REV3L: variants seen among roughly 807,000 people sequenced by gnomAD.
REV3L encodes REV3 like, DNA directed polymerase zeta catalytic subunit.
REV3L carries 69 observed loss-of-function variants against 299.4 expected under a neutral mutation model. That is an observed-to-expected ratio of 0.23 (90% CI 0.19 to 0.28). REV3L has a LOEUF of 0.28. REV3L is among the 10% of genes least tolerant of loss of function. REV3L has a pLI of 1.00. For synonymous variants in REV3L, 1,238 were observed against 1,271.4 expected (o/e 0.97, Z 0.56); for missense variants, 3,128 against 3,693.8 (o/e 0.85, Z 3.97).
chr6:111,377,538 C>T (rs1019003255), intron 12 of REV3L, among the ~76,000 whole-genome samples, 163 bp downstream of exon 12: 1 of 151,964 alleles, frequency 6.6e-6, no homozygotes, highest in Non-Finnish European at 1.5e-5. Flanking sequence ...GGTCCCACTA[C>T]GTTGCCTAGG....
intron 1 of REV3L, chr6:111,431,222 T>C: frequency 1.3e-6 from 2 of 1,561,306 alleles, no homozygotes; most frequent in Non-Finnish European, 1.8e-6. Flanking sequence ...CTGGATGTTT[T>C]AACAAAAGGA....
At chr6:111,407,738 C>T (rs1463822256) in intron 3 of REV3L, among the ~76,000 whole-genome samples, 1 of 151,998 alleles carries the variant, frequency 6.6e-6, no homozygotes, top group African/African-American at 2.4e-5. Flanking sequence ...GGTTCTAGAC[C>T]AGCCTGGCCA....
intron 1 of REV3L, among the ~76,000 whole-genome samples, chr6:111,478,580 C>T (rs931968464): frequency 6.7e-6 from 1 of 149,500 alleles, no homozygotes; most frequent in Non-Finnish European, 1.5e-5. Context: ...GTTGTTGATA[C>T]ACGCTAATTT....
chr6:111,430,218 G>A (rs1446366058), intron 1 of REV3L: 3 of 830,658 alleles, frequency 3.6e-6, no homozygotes, highest in Non-Finnish European at 6.4e-6. Context: ...AGAAGAAGTA[G>A]AACAGATACC....
At chr6:111,422,309 T>G (rs1748796564) in intron 1 of REV3L, among the ~76,000 whole-genome samples, 1 of 151,980 alleles carries the variant, frequency 6.6e-6, no homozygotes, top group African/African-American at 2.4e-5. Context: ...GAATGGTCTA[T>G]GGCTGCTTAT....
rs559779035 is a variant in REV3L, at chr6:111,331,746, A to G, written c.7964T>C (p.Val2655Ala). The change falls in exon 24 of 32, where the codon GTA becomes GCA. Residue 2655 changes from valine to alanine, a missense_variant. Coordinates refer to ENST00000368802, the MANE Select transcript of REV3L (RefSeq NM_001372078.1). The part of the protein sequence containing the change: ...EFKFGCTSLR[V>A]PPDLLYQVRH... ...AACTTGGTAAAGTAAATCTGGAGGT[A>G]CTCTCAGAGAGGTACAGCCAAATTT... is the stretch of plus-strand genomic sequence containing the variant. 2 of 1,613,328 alleles carry G rather than the reference A, an allele frequency of 1.2e-6. No individual in the cohort carries two copies. The highest frequency in any genetic ancestry group is 2.2e-5 in the South Asian group (2 of 91,038).
intron 1 of REV3L, among the ~76,000 whole-genome samples, chr6:111,449,963 CAAG>C (rs1044601357): frequency 2.2e-4 from 34 of 151,944 alleles, no homozygotes; most frequent in Non-Finnish European, 1.5e-5. Flanking sequence ...ACTATATGTT[CAAG>C]AAGTAGAAGA....
At chr6:111,432,581 C>G (rs1787067326) in intron 1 of REV3L, among the ~76,000 whole-genome samples, 2 of 152,174 alleles carry the variant, frequency 1.3e-5, no homozygotes, top group Non-Finnish European at 2.9e-5. Context: ...AAAGGAGAGA[C>G]AGACTGCAAT....
At chr6:111,323,283 C>T (rs761948702) in intron 25 of REV3L, among the ~76,000 whole-genome samples, 3 of 152,148 alleles carry the variant, frequency 2.0e-5, no homozygotes, top group Non-Finnish European at 4.4e-5. Context: ...CCACCGTGCC[C>T]GACCTATTCA....
chr6:111,411,579 A>C, intron 2 of REV3L, 25 bp from the exon 3 acceptor site: 1 of 1,407,320 alleles, frequency 7.1e-7, no homozygotes, highest in Non-Finnish European at 9.8e-7. Flanking sequence ...AAAAAATTTC[A>C]AATTATTTTC....
At chr6:111,385,886 A>G (rs906259389) in intron 9 of REV3L, among the ~76,000 whole-genome samples, 3 of 152,306 alleles carry the variant, frequency 2.0e-5, no homozygotes, top group Non-Finnish European at 4.4e-5. Flanking sequence ...TGCAGATTAA[A>G]ATGCAGAGAC....
At chr6:111,436,332 A>G (rs1284854315) in intron 1 of REV3L, among the ~76,000 whole-genome samples, 2 of 152,202 alleles carry the variant, frequency 1.3e-5, no homozygotes, top group Non-Finnish European at 2.9e-5. Context: ...TCCCATGTTT[A>G]TTGAAGCACT....
At chr6:111,308,982 A>G (rs1008120856) in intron 30 of REV3L, among the ~76,000 whole-genome samples, 1 of 152,194 alleles carries the variant, frequency 6.6e-6, no homozygotes, top group Non-Finnish European at 1.5e-5. Flanking sequence ...GAGAGGGACA[A>G]TGGCTCGCTT....
At chr6:111,476,340 A>T (rs777190538) in intron 1 of REV3L, among the ~76,000 whole-genome samples, 1 of 152,060 alleles carries the variant, frequency 6.6e-6, no homozygotes, top group Non-Finnish European at 1.5e-5. Context: ...ATTTTTTTGT[A>T]GAGATAGCGT....
chr6:111,425,164 T>C (rs1786017915), intron 1 of REV3L, among the ~76,000 whole-genome samples: 5 of 152,036 alleles, frequency 3.3e-5, no homozygotes, highest in Admixed American at 2.6e-4. Context: ...GAGCAGAGAT[T>C]TCAAATAGAG....
At chr6:111,348,929 A>C (rs924382946) in intron 20 of REV3L, 3 of 183,868 alleles carry the variant, frequency 1.6e-5, no homozygotes, top group Non-Finnish European at 3.3e-5. Context: ...TGCTGAGATT[A>C]CAAGTGTGAG....
chr6:111,360,652 A>T (rs987892342), intron 16 of REV3L: 15 of 150,982 alleles, frequency 9.9e-5, no homozygotes, highest in African/African-American at 2.9e-4. Context: ...ATTTATAAAA[A>T]CTTCTGTAGA....
intron 1 of REV3L, among the ~76,000 whole-genome samples, chr6:111,462,262 T>A (rs1306862531): frequency 2.0e-5 from 3 of 152,092 alleles, no homozygotes; most frequent in Admixed American, 6.6e-5. Context: ...TGTATGAAAT[T>A]CATGGCAAAC....
chr6:111,429,086 C>T (rs540755527), intron 1 of REV3L, among the ~76,000 whole-genome samples: 79 of 152,132 alleles, frequency 5.2e-4, no homozygotes, highest in Admixed American at 2.6e-3. Flanking sequence ...CCATCTTCAA[C>T]GTGCTTTAAA....
Sources: allele counts gnomAD v4.1 joint callset (sites outside exome capture counted in the v4.1 genomes callset), GRCh38; gene constraint gnomAD v4.1.1; transcripts MANE v1.5; gene names NCBI Gene and HGNC (gene_info 2026-07-23, HGNC 2026-07-21).